The following SYNE2 variants were observed in gnomAD, a reference collection of about 807,000 sequenced individuals.
SYNE2 encodes spectrin repeat containing nuclear envelope protein 2, also known as nesprin-2.
A neutral mutation model predicts 856.3 loss-of-function variants in SYNE2; 431 were observed. The observed-to-expected ratio is 0.50, with a 90% CI of 0.47 to 0.55. The LOEUF (loss-of-function observed/expected upper bound fraction) is 0.55. SYNE2 is among the 20% of genes least tolerant of loss of function. The probability of loss-of-function intolerance (pLI) is 0.00; values close to 1 mark genes in which losing one functional copy is unlikely to be tolerated. For synonymous variants in SYNE2, 2,923 were observed against 2,872.3 expected, an observed-to-expected ratio of 1.02 and a Z score of -0.56; for missense variants, 8,129 against 8,023.2, an observed-to-expected ratio of 1.01 and a Z score of -0.50.
At chr14:64,006,972 A>T (rs1313574771) in intron 30 of SYNE2, 71 bp from the exon 31 acceptor site, 2 of 1,246,400 alleles carry the variant, frequency 1.6e-6, no homozygotes, top group East Asian at 4.6e-5. Flanking sequence ...TGCCTCCCCA[A>T]GTTACCCATA....
At chr14:63,818,041 A>AAAAC (rs1889069677) in intron 1 of SYNE2, among the ~76,000 whole-genome samples, 1 of 146,688 alleles carries the variant, frequency 6.8e-6, no homozygotes, top group South Asian at 2.1e-4. Context: ...AAAAAAAAAA[A>AAAAC]AAAAACAAAT....
chr14:64,082,394 T>A (rs536556218), intron 57 of SYNE2, among the ~76,000 whole-genome samples: 1 of 151,556 alleles, frequency 6.6e-6, no homozygotes, highest in East Asian at 1.9e-4. Context: ...TTTGAAAAAG[T>A]CCAAAATCTG....
intron 1 of SYNE2, among the ~76,000 whole-genome samples, chr14:63,805,600 C>G (rs1293137991): frequency 1.3e-5 from 2 of 151,696 alleles, no homozygotes; most frequent in Non-Finnish European, 2.9e-5. Context: ...TGGTCTCTAT[C>G]TCCTGACCTC....
intron 45 of SYNE2, among the ~76,000 whole-genome samples, chr14:64,033,786 T>C (rs188685360): frequency 6.6e-6 from 1 of 152,258 alleles, no homozygotes; most frequent in Non-Finnish European, 1.5e-5. Flanking sequence ...TTAAGGGTTA[T>C]TGATAGTTTA....
At chr14:63,944,669 C>T (rs1278859592) in intron 6 of SYNE2, among the ~76,000 whole-genome samples, 2 of 150,884 alleles carry the variant, frequency 1.3e-5, no homozygotes, top group Non-Finnish European at 3.0e-5. Flanking sequence ...TACAGGTGTG[C>T]ACCACCACAT....
At chr14:63,864,699 ATTTCT>A (rs1358430059) in intron 1 of SYNE2, among the ~76,000 whole-genome samples, 1 of 152,140 alleles carries the variant, frequency 6.6e-6, no homozygotes, top group Non-Finnish European at 1.5e-5. Context: ...CTTCCAAATC[ATTTCT>A]TTTCTAATTT....
At chr14:64,083,020 A>G (rs892531778) in intron 57 of SYNE2, among the ~76,000 whole-genome samples, 1 of 152,164 alleles carries the variant, frequency 6.6e-6, no homozygotes, top group Non-Finnish European at 1.5e-5. Context: ...GGAATCCCTT[A>G]GAGAAAAGCT....
rs1393221265 is a variant in SYNE2 at position 63,954,740 on chromosome 14, C to G, written c.612C>G (p.Thr204=). The G allele has an allele frequency of 6.2e-7, 1 of 1,613,786 alleles. No homozygotes were observed. The highest frequency in any genetic ancestry group is 8.5e-7 in the Non-Finnish European group (1 of 1,179,948). ...QCATYESVNV[T]DFKSSWRNGM... Reference sequence around the variant, plus strand: ...ATAGCTATGAGTCTGTCAATGTGACCGATTTTAAGTCAAGTTGGAGAAATG... The same window carrying G: ...ATAGCTATGAGTCTGTCAATGTGACGGATTTTAAGTCAAGTTGGAGAAATG... The change falls in exon 8 of 116, where the codon ACC becomes ACG. Residue 204 remains threonine, a synonymous_variant. Transcript: ENST00000555002.
At chr14:64,084,730 G>A (rs2153617004) in intron 57 of SYNE2, 1 of 493,576 alleles carries the variant, frequency 2.0e-6, no homozygotes, top group East Asian at 3.0e-5. Context: ...TACTCCATAA[G>A]TTAGCAGCTT....
Position 63,955,544 on chromosome 14 carries a change from AC to A in SYNE2, c.787+630del, listed in dbSNP as rs368395717. On this transcript the variant is annotated intron_variant, in intron 8 of 115. Transcript: ENST00000555002. ...TAATGTAACCAAAGCTATTAAAAAA[AC>A]ATTAAGGTCATAATAGAGGTATATG... 6.0e-4 allele frequency among the ~76,000 whole-genome samples: 92 copies of A among 152,332 alleles called. 1 individual carries two copies. In the East Asian group the frequency reaches 0.015, roughly 25 times the overall value.
Position 64,167,217 on chromosome 14 carries a change from A to T in SYNE2, c.16606-16A>T. 1 of 1,614,008 alleles carries T rather than the reference A, an allele frequency of 6.2e-7. No individual in the cohort carries two copies. The highest frequency in any genetic ancestry group is 8.5e-7 in the Non-Finnish European group (1 of 1,180,026). ...ATTGGCATCCAAAAACCTGTACTTC[A>T]ATTTTTTAAAAATAGAATCATGTGC... On this transcript the variant is annotated splice_polypyrimidine_tract_variant and intron_variant, in intron 90 of 115. Coordinates refer to ENST00000555002, the MANE Select transcript of SYNE2 (RefSeq NM_182914.3).
At chr14:64,006,346 T>G (rs1274668366) in intron 30 of SYNE2, among the ~76,000 whole-genome samples, 1 of 140,184 alleles carries the variant, frequency 7.1e-6, no homozygotes, top group Admixed American at 7.1e-5. Context: ...CTGCAGTTCT[T>G]GGTCATTCAC....
intron 1 of SYNE2, among the ~76,000 whole-genome samples, chr14:63,845,355 G>A (rs1412188292): frequency 6.6e-6 from 1 of 151,608 alleles, no homozygotes; most frequent in Non-Finnish European, 1.5e-5. Flanking sequence ...GGCAGAGGTT[G>A]CAGTGAGCCG....
rs772344164 is a variant in SYNE2 at position 64,051,578 on chromosome 14, G to A, written c.7665G>A (p.Thr2555=). 3.8e-5 allele frequency: 62 copies of A among 1,613,138 alleles called. No homozygotes were observed. The highest frequency in any genetic ancestry group is 5.1e-5 in the Non-Finnish European group (60 of 1,179,780). The change falls in exon 48 of 116, where the codon ACG becomes ACA. Residue 2555 remains threonine (T), a synonymous_variant. Transcript: ENST00000555002. ...CTAGAGGACCACTGGACAGTGTAAC[G>A]TATCTGGACAAAATTAAAAAATTCA... ...SLKVGPLDSV[T]YLDKIKKFIA...
chr14:63,942,357 C>T (rs940232685), intron 6 of SYNE2, among the ~76,000 whole-genome samples: 5 of 152,150 alleles, frequency 3.3e-5, no homozygotes, highest in East Asian at 3.8e-4. Flanking sequence ...CTCGCTCTGT[C>T]GGCCAGGCTG....
intron 6 of SYNE2, among the ~76,000 whole-genome samples, chr14:63,948,739 G>GTATATAT (rs1566883369): frequency 4.9e-5 from 5 of 102,246 alleles, no homozygotes; most frequent in Admixed American, 1.1e-4. Flanking sequence ...TATGTGTATA[G>GTATATAT]ATATGTGTGT....
chr14:64,055,033 G>A (rs969922781), intron 48 of SYNE2, among the ~76,000 whole-genome samples: 13 of 152,122 alleles, frequency 8.5e-5, no homozygotes, highest in Non-Finnish European at 1.3e-4. Context: ...AAAATAATAG[G>A]ATTAGAACTG....
At chr14:64,047,545 CT>C (rs1414755364) in intron 45 of SYNE2, among the ~76,000 whole-genome samples, 11 of 152,128 alleles carry the variant, frequency 7.2e-5, no homozygotes, top group African/African-American at 2.4e-4. Flanking sequence ...GGGCTTGCCC[CT>C]ATCTGTCTAG....
intron 84 of SYNE2, among the ~76,000 whole-genome samples, chr14:64,151,388 T>G (rs1209654858): frequency 7.8e-6 from 1 of 128,402 alleles, no homozygotes; most frequent in African/African-American, 3.0e-5. Context: ...TCTCTTTCCT[T>G]ATGGACCATG....
Sources: allele counts gnomAD v4.1 joint callset (sites outside exome capture counted in the v4.1 genomes callset), GRCh38; gene constraint gnomAD v4.1.1; transcripts MANE v1.5; gene names NCBI Gene and HGNC (gene_info 2026-07-23, HGNC 2026-07-21).